The following SPHKAP variants were observed in gnomAD, a reference collection of about 807,000 sequenced individuals.
SPHKAP encodes A-kinase anchor protein SPHKAP.
SPHKAP carries 67 observed loss-of-function variants against 137.5 expected under a neutral mutation model. The ratio of observed to expected loss-of-function variants is 0.49; its 90% CI spans 0.40 to 0.60. SPHKAP has a LOEUF of 0.60. Ranked by LOEUF, SPHKAP falls within the 20% of genes least tolerant of loss-of-function variation. The pLI is 0.00. For synonymous variants in SPHKAP, 813 were observed against 785.3 expected (o/e 1.04, Z -0.59); for missense variants, 2,097 against 2,069.3 (o/e 1.01, Z -0.26).
chr2:228,151,249 C>T (rs1452400448), intron 1 of SPHKAP, among the ~76,000 whole-genome samples: 2 of 151,876 alleles, frequency 1.3e-5, no homozygotes. Context: ...CATGTCCCTA[C>T]AAAGGACATG....
chr2:228,063,218 G>A (rs78038461), intron 3 of SPHKAP, among the ~76,000 whole-genome samples: 49 of 132,742 alleles, frequency 3.7e-4, no homozygotes, highest in East Asian at 1.5e-3. Flanking sequence ...CTATTTACCT[G>A]TCTATCTACC....
intron 3 of SPHKAP, among the ~76,000 whole-genome samples, chr2:228,096,524 G>A (rs1187820592): frequency 2.0e-5 from 3 of 151,986 alleles, no homozygotes; most frequent in African/African-American, 7.2e-5. Context: ...TTGCCCATAC[G>A]AAAACTGCAT....
At chr2:228,131,212 A>G in intron 2 of SPHKAP, 1 of 792,222 alleles carries the variant, frequency 1.3e-6, no homozygotes, top group South Asian at 5.7e-5. Flanking sequence ...CATTTGTGTT[A>G]ATTTACATCT....
At chr2:228,156,395 A>C (rs867175881) in intron 1 of SPHKAP, among the ~76,000 whole-genome samples, 1 of 152,162 alleles carries the variant, frequency 6.6e-6, no homozygotes, top group African/African-American at 2.4e-5. Flanking sequence ...TTTACTTCTG[A>C]GCTCCTCATT....
intron 3 of SPHKAP, among the ~76,000 whole-genome samples, chr2:228,086,547 C>G (rs566083615): frequency 2.0e-5 from 3 of 152,044 alleles, no homozygotes; most frequent in Non-Finnish European, 4.4e-5. Context: ...TAGGTCCTAC[C>G]GATAAGATTG....
chr2:228,143,213 A>C (rs1234325308), intron 1 of SPHKAP, among the ~76,000 whole-genome samples: 3 of 152,128 alleles, frequency 2.0e-5, no homozygotes, highest in Non-Finnish European at 2.9e-5. Flanking sequence ...AAAATATTAC[A>C]CTATGTAACT....
chr2:228,081,310 G>A (rs1481953102), intron 3 of SPHKAP, among the ~76,000 whole-genome samples: 1 of 152,060 alleles, frequency 6.6e-6, no homozygotes. Flanking sequence ...AAATATTGAA[G>A]CCCTCAAAAT....
At chr2:228,125,785 G>A (rs1221581966) in intron 2 of SPHKAP, among the ~76,000 whole-genome samples, 2 of 152,088 alleles carry the variant, frequency 1.3e-5, no homozygotes, top group Non-Finnish European at 2.9e-5. Flanking sequence ...CTTATAAAAA[G>A]GAGTGGTTGG....
At chr2:228,069,199 G>C (rs931524543) in intron 3 of SPHKAP, among the ~76,000 whole-genome samples, 2 of 152,086 alleles carry the variant, frequency 1.3e-5, no homozygotes, top group African/African-American at 4.8e-5. Context: ...CCTGGGAGGC[G>C]GAGGTTTCTG....
chr2:228,059,069 C>A (rs2106283951), intron 3 of SPHKAP, among the ~76,000 whole-genome samples: 1 of 152,268 alleles, frequency 6.6e-6, no homozygotes, highest in African/African-American at 2.4e-5. Flanking sequence ...ATACTGGGTT[C>A]TTTCACCCAG....
intron 1 of SPHKAP, among the ~76,000 whole-genome samples, chr2:228,164,181 T>G (rs1161341848): frequency 6.6e-6 from 1 of 151,352 alleles, no homozygotes; most frequent in African/African-American, 2.4e-5. Context: ...AGCCTGCAGG[T>G]TCTTCAGCCT....
At chr2:228,004,751 G>C (rs570200959) in intron 7 of SPHKAP, among the ~76,000 whole-genome samples, 3 of 152,148 alleles carry the variant, frequency 2.0e-5, no homozygotes, top group African/African-American at 7.2e-5. Flanking sequence ...ATTCTGGTAT[G>C]TTGTGTCTTT....
chr2:228,035,898 C>T (rs928450522), intron 3 of SPHKAP, among the ~76,000 whole-genome samples: 2 of 151,908 alleles, frequency 1.3e-5, no homozygotes, highest in Non-Finnish European at 2.9e-5. Flanking sequence ...GGATTAAAGA[C>T]TTACATGTTA....
intron 1 of SPHKAP, among the ~76,000 whole-genome samples, chr2:228,161,742 G>A (rs1045112807): frequency 1.4e-5 from 2 of 144,546 alleles, no homozygotes; most frequent in Non-Finnish European, 3.0e-5. Flanking sequence ...TAAAATACAT[G>A]TTTGCTTAGA....
rs1695490066 is a variant in SPHKAP, at chr2:228,034,403, A to G, written c.247-6860T>C. 2.6e-5 allele frequency among the ~76,000 whole-genome samples: 4 copies of G among 152,304 alleles called. 1 individual carries two copies. In the South Asian group the frequency reaches 8.3e-4, roughly 32 times the overall value. ...GCAATAATCAATAGCTTACCAACCA[A>G]AAGAAGTCCAGGACCAGATGGATTC... On this transcript the variant is annotated intron_variant, in intron 3 of 11. Transcript: ENST00000392056.
Position 228,020,139 on chromosome 2 carries a change from C to T in SPHKAP, c.715G>A (p.Val239Ile), listed in dbSNP as rs906122160. 6.2e-7 allele frequency: 1 copy of T among 1,601,082 alleles called. No homozygotes were observed. Among genetic ancestry groups the T allele is most frequent in the Non-Finnish European group, 8.5e-7 (1 of 1,175,798 alleles). ...ESRNDYENIN[V>I]SANVLESKQL... The stretch of plus-strand genomic sequence containing the variant: ...TTACTTTCCAAAACATTGGCTGAGA[C>T]ATTTATATTTTCATAATCTAGTGAG... The change falls in exon 7 of 12, where the codon GTC becomes ATC. Residue 239 changes from valine to isoleucine, a missense_variant. Transcript: ENST00000392056.
In SPHKAP at chr2:228,084,519, C is replaced by G. The variant is rs528818817; in HGVS notation, c.246+24313G>C. 7.2e-5 allele frequency among the ~76,000 whole-genome samples: 11 copies of G among 152,154 alleles called. No individual in the cohort carries two copies. In the South Asian group the frequency reaches 2.3e-3, roughly 32 times the overall value. ...GTATAAGTTTTGTTTTGTTTTCAAA[C>G]AAATGATGTGATGTAAATTTTCATG... On this transcript the variant is annotated intron_variant, in intron 3 of 11. Coordinates refer to ENST00000392056, the MANE Select transcript of SPHKAP (RefSeq NM_001142644.2).
At chr2:228,103,702 G>T (rs1400083641) in intron 3 of SPHKAP, among the ~76,000 whole-genome samples, 1 of 152,132 alleles carries the variant, frequency 6.6e-6, no homozygotes, top group Non-Finnish European at 1.5e-5. Context: ...GATGACTTCT[G>T]CCATTAGCAT....
intron 3 of SPHKAP, among the ~76,000 whole-genome samples, chr2:228,045,191 G>C (rs202011597): frequency 4.8e-4 from 73 of 151,474 alleles, no homozygotes; most frequent in South Asian, 8.5e-4. Flanking sequence ...GCAGTGTGGC[G>C]ATTCCTCAGG....
Sources: allele counts gnomAD v4.1 joint callset (sites outside exome capture counted in the v4.1 genomes callset), GRCh38; gene constraint gnomAD v4.1.1; transcripts MANE v1.5; gene names NCBI Gene and HGNC (gene_info 2026-07-23, HGNC 2026-07-21).